The following PAM variants were observed in gnomAD, a reference collection of about 807,000 sequenced individuals.
PAM encodes peptidyl-glycine alpha-amidating monooxygenase.
Under a neutral mutation model 122.1 loss-of-function variants are expected in PAM, and 72 were observed. The observed-to-expected ratio is 0.59, with a 90% CI of 0.49 to 0.72. The LOEUF is 0.72. Among genes scored for constraint, PAM ranks in the 30% least tolerant of loss-of-function variants. The pLI, the probability that PAM is intolerant of heterozygous loss-of-function variation, is 0.00. For missense variants in PAM, 1,106 were observed against 1,183.7 expected (o/e 0.93, Z 0.96); for synonymous variants, 389 against 404.4 (o/e 0.96, Z 0.46).
intron 16 of PAM, among the ~76,000 whole-genome samples, chr5:102,997,672 T>C (rs1403158119): frequency 6.6e-6 from 1 of 152,224 alleles, no homozygotes; most frequent in East Asian, 1.9e-4. Context: ...GAAATAGAAT[T>C]AGATGATCCT....
chr5:102,954,525 A>G (rs1760089300), intron 12 of PAM, among the ~76,000 whole-genome samples: 1 of 151,528 alleles, frequency 6.6e-6, no homozygotes, highest in Admixed American at 6.6e-5. Context: ...TTACCCATAT[A>G]TTATATTTAT....
In PAM at chr5:102,948,538, T is replaced by G. The variant is rs1757743762; in HGVS notation, c.643+93T>G. 4.5e-6 allele frequency: 3 copies of G among 665,592 alleles called. No homozygotes were observed. The South Asian group carries it at 5.9e-5, about 13-fold the overall frequency. 41.2% of individuals were successfully genotyped at this position (665,592 alleles called of 1,614,324 possible). A position where few individuals can be genotyped will look rare whatever the true frequency, so the allele number is the denominator to read the frequency against. ...TATTTTTTATAAACTTTAAAAATAA[T>G]CAATATTTTTATGTCTTGGAAAAAT... On this transcript the variant is annotated intron_variant, in intron 9 of 25. Coordinates refer to ENST00000438793, the MANE Select transcript of PAM (RefSeq NM_001177306.2).
chr5:102,828,692 G>T (rs1383192397), intron 1 of PAM, among the ~76,000 whole-genome samples: 1 of 152,130 alleles, frequency 6.6e-6, no homozygotes, highest in Non-Finnish European at 1.5e-5. Flanking sequence ...TTAGTTTCAT[G>T]GTTCATGGCA....
intron 1 of PAM, among the ~76,000 whole-genome samples, chr5:102,813,720 C>T (rs553556357): frequency 6.6e-6 from 1 of 152,276 alleles, no homozygotes; most frequent in Non-Finnish European, 1.5e-5. Context: ...AATTCTATAA[C>T]TGGAACAATT....
At chr5:102,804,299 C>G (rs1419574736) in intron 1 of PAM, among the ~76,000 whole-genome samples, 1 of 152,014 alleles carries the variant, frequency 6.6e-6, no homozygotes, top group Non-Finnish European at 1.5e-5. Context: ...TATAAAGATG[C>G]ATCAAGGACA....
chr5:102,979,956 T>C (rs1478956796), intron 15 of PAM, among the ~76,000 whole-genome samples: 1 of 152,040 alleles, frequency 6.6e-6, no homozygotes, highest in Non-Finnish European at 1.5e-5. Flanking sequence ...TGGAAAAATA[T>C]TTTAAGATTT....
chr5:102,927,649 G>A lies in PAM; in HGVS notation c.526+981G>A, dbSNP rs181415848. On this transcript the variant is annotated intron_variant, in intron 7 of 25. Coordinates refer to ENST00000438793, the MANE Select transcript of PAM (RefSeq NM_001177306.2). ...ACCATAGATTGCCAGCATTCAGAAC[G>A]AGGACAGTAAATGCAGTCTCCCTCT... Among the ~76,000 whole-genome samples, 415 of 152,024 alleles carry A rather than the reference G, an allele frequency of 2.7e-3. 2 individuals carry two copies. The highest frequency in any genetic ancestry group is 0.024 in the South Asian group (114 of 4,804).
intron 5 of PAM, among the ~76,000 whole-genome samples, chr5:102,918,003 C>A (rs953970248): frequency 6.6e-6 from 1 of 152,124 alleles, no homozygotes; most frequent in African/African-American, 2.4e-5. Flanking sequence ...TAATTATATG[C>A]ATGTGCATTT....
intron 1 of PAM, among the ~76,000 whole-genome samples, chr5:102,859,609 T>G (rs1044214643): frequency 5.3e-5 from 8 of 152,186 alleles, no homozygotes; most frequent in Admixed American, 4.6e-4. Context: ...TAAAATAAAT[T>G]TAGTATAGCT....
At chr5:102,962,194 ATAAAG>A (rs1273217264) in intron 14 of PAM, among the ~76,000 whole-genome samples, 3 of 151,888 alleles carry the variant, frequency 2.0e-5, no homozygotes, top group African/African-American at 4.8e-5. Flanking sequence ...TGAAAGAAGC[ATAAAG>A]TAAACTGTGA....
chr5:102,944,900 C>CT (rs1221901529), intron 7 of PAM, among the ~76,000 whole-genome samples: 1 of 152,070 alleles, frequency 6.6e-6, no homozygotes, highest in South Asian at 2.1e-4. Flanking sequence ...CTATTTTACT[C>CT]TTTTAATTTT....
intron 1 of PAM, among the ~76,000 whole-genome samples, chr5:102,809,436 A>T (rs1425004500): frequency 6.6e-6 from 1 of 152,168 alleles, no homozygotes; most frequent in Non-Finnish European, 1.5e-5. Context: ...GTTTCTAATT[A>T]ATTAATAGAT....
intron 1 of PAM, among the ~76,000 whole-genome samples, chr5:102,800,311 G>A (rs1448782494): frequency 6.6e-6 from 1 of 152,108 alleles, no homozygotes; most frequent in Non-Finnish European, 1.5e-5. Flanking sequence ...CCCCCATCCA[G>A]TCAGTCTCTT....
chr5:102,960,502 A>G lies in PAM; in HGVS notation c.1090+443A>G, dbSNP rs546398392. On this transcript the variant is annotated intron_variant, in intron 13 of 25. Transcript: ENST00000438793. Reference sequence around the variant, plus strand: ...TCCATTTAATGGGCTTCTTCAGGCAAAGAACAATTATTGATTTGTGAAGCA... The same window carrying G: ...TCCATTTAATGGGCTTCTTCAGGCAGAGAACAATTATTGATTTGTGAAGCA... 6.0e-4 allele frequency among the ~76,000 whole-genome samples: 91 copies of G among 152,152 alleles called. 1 individual carries two copies. Among genetic ancestry groups the G allele is most frequent in the Non-Finnish European group, 2.5e-4 (17 of 67,914 alleles).
At chr5:102,755,264 G>T (rs1415402362), upstream of PAM, 1 of 152,246 alleles carries the variant, frequency 6.6e-6, no homozygotes, top group Non-Finnish European at 1.5e-5. Flanking sequence ...CGCCCAGGGA[G>T]CCGGAGCCTC....
At chr5:102,990,853 G>C (rs1447289579) in intron 16 of PAM, among the ~76,000 whole-genome samples, 2 of 152,150 alleles carry the variant, frequency 1.3e-5, no homozygotes, top group Non-Finnish European at 2.9e-5. Flanking sequence ...CCATTGTCCT[G>C]GACAGTGTGG....
chr5:103,003,198 T>C lies in PAM; in HGVS notation c.1730+49T>C, dbSNP rs1202644564. On this transcript the variant is annotated intron_variant, in intron 17 of 25. Coordinates refer to ENST00000438793, the MANE Select transcript of PAM (RefSeq NM_001177306.2). ...TAAGACTTGTACTACATATATTGAG[T>C]ATAAAGTGTATCATAGAGTCTTGAA... 4.7e-6 allele frequency: 4 copies of C among 848,654 alleles called. No individual in the cohort carries two copies. The African/African-American group carries it at 5.0e-5, about 11-fold the overall frequency. 52.6% of individuals were successfully genotyped at this position (848,654 alleles called of 1,614,324 possible). A position where few individuals can be genotyped will look rare whatever the true frequency, so the allele number is the denominator to read the frequency against.
In PAM at chr5:102,829,238, C is replaced by T. The variant is rs533904297; in HGVS notation, c.-373-36585C>T. 6.6e-5 allele frequency among the ~76,000 whole-genome samples: 10 copies of T among 151,802 alleles called. No individual in the cohort carries two copies. The South Asian group carries it at 1.7e-3, about 25-fold the overall frequency. ...ACAAAATGTATTCTCGGTACACCAA[C>T]GTTAAATGGTTATAATTAACAAAGT... On this transcript the variant is annotated intron_variant, in intron 1 of 25. Transcript: ENST00000438793.
chr5:102,804,881 T>A (rs1765789188), intron 1 of PAM, among the ~76,000 whole-genome samples: 1 of 152,166 alleles, frequency 6.6e-6, no homozygotes, highest in Non-Finnish European at 1.5e-5. Context: ...AATTGGCACT[T>A]GCCATGATGA....
Sources: allele counts gnomAD v4.1 joint callset (sites outside exome capture counted in the v4.1 genomes callset), GRCh38; gene constraint gnomAD v4.1.1; transcripts MANE v1.5; gene names NCBI Gene and HGNC (gene_info 2026-07-23, HGNC 2026-07-21).